Variants in UQCRC1 observed in about 807,000 individuals in gnomAD.
UQCRC1 encodes the protein cytochrome b-c1 complex subunit 1, mitochondrial.
A neutral mutation model predicts 58.0 loss-of-function variants in UQCRC1; 34 were observed. The observed-to-expected ratio is 0.59, with a 90% CI of 0.45 to 0.78. UQCRC1 has a LOEUF of 0.78. UQCRC1 is among the 30% of genes least tolerant of loss of function. UQCRC1 has a pLI of 0.00. For synonymous variants in UQCRC1, 276 were observed against 248.8 expected, an observed-to-expected ratio of 1.11 and a Z score of -1.03; for missense variants, 610 against 646.0, an observed-to-expected ratio of 0.94 and a Z score of 0.60.
At chr3:48,608,217 C>G (rs567489044) in intron 2 of UQCRC1, among the ~76,000 whole-genome samples, 32 of 152,356 alleles carry the variant, frequency 2.1e-4, no homozygotes, top group African/African-American at 7.0e-4. Context: ...TATTTTTTAG[C>G]TCCCACTGAT....
chr3:48,606,667 C>T (rs1170843136), intron 2 of UQCRC1, among the ~76,000 whole-genome samples: 1 of 151,646 alleles, frequency 6.6e-6, no homozygotes, highest in Middle Eastern at 3.2e-3. Context: ...TTGCTTGAAC[C>T]CAAGAGGCAG....
chr3:48,604,042 C>G, intron 5 of UQCRC1, 191 bp downstream of exon 5: 1 of 658,980 alleles, frequency 1.5e-6, no homozygotes. Context: ...AAAACAAAGC[C>G]CAAAATTCAA....
chr3:48,603,959 CAA>C (rs1444806233), intron 5 of UQCRC1: 3 of 586,002 alleles, frequency 5.1e-6, no homozygotes, highest in Non-Finnish European at 6.1e-6. Context: ...ACAAAGGAGA[CAA>C]GAGACCACAT....
chr3:48,600,479 C>T lies in UQCRC1; in HGVS notation c.1213+3G>A, dbSNP rs201440000. Reference sequence around the variant, plus strand: ...CCCCTCCCCGCTGAGCTGTAGGACTCACCATCTAGATGAGATACCAGGGCA... The same window carrying T: ...CCCCTCCCCGCTGAGCTGTAGGACTTACCATCTAGATGAGATACCAGGGCA... On this transcript the variant is annotated splice_donor_region_variant and intron_variant, in intron 10 of 12. Transcript: ENST00000203407. The T allele has an allele frequency of 9.3e-6, 15 of 1,614,178 alleles. No homozygotes were observed. In the Admixed American group the frequency reaches 2.5e-4, roughly 27 times the overall value.
Position 48,609,558 on chromosome 3 carries a change from G to A in UQCRC1, c.63C>T (p.Arg21=), listed in dbSNP as rs1354361421. ...TAGAQVLLRA[R]RSPALLRTPA... Reference sequence around the variant, plus strand: ...GCTCTCGCCACCACCTCACCGAGCGGCGGGCGCGCAATAGCACTTGTGCCC... The same window carrying A: ...GCTCTCGCCACCACCTCACCGAGCGACGGGCGCGCAATAGCACTTGTGCCC... The change falls in exon 1 of 13, where the codon CGC becomes CGT. Residue 21 remains arginine, a synonymous_variant. Coordinates refer to ENST00000203407, the MANE Select transcript of UQCRC1 (RefSeq NM_003365.3). The A allele has an allele frequency of 6.4e-7, 1 of 1,565,996 alleles. No individual in the cohort carries two copies. Among genetic ancestry groups the A allele is most frequent in the South Asian group, 1.1e-5 (1 of 86,972 alleles).
rs2046396852 is a variant in UQCRC1 at position 48,604,760 on chromosome 3, G to A, written c.318C>T (p.Gly106=). 2 of 1,613,916 alleles carry A rather than the reference G, an allele frequency of 1.2e-6. No individual in the cohort carries two copies. The highest frequency in any genetic ancestry group is 1.7e-6 in the Non-Finnish European group (2 of 1,179,984). The part of the protein sequence containing the change: ...LAFKGTKNRP[G]SALEKEVESM... ...TCTCCACCTCCTTCTCCAGGGCACT[G>A]CCAGGCCGATTCTTTGTTCCCTGGA... The change falls in exon 4 of 13, where the codon GGC becomes GGT. Residue 106 remains glycine (G), a synonymous_variant. Transcript: ENST00000203407.
chr3:48,599,081 G>A lies in UQCRC1; in HGVS notation c.*47C>T. On this transcript the variant is annotated 3_prime_UTR_variant, in exon 13 of 13. Transcript: ENST00000203407. The stretch of plus-strand genomic sequence containing the variant: ...AAGTGCTGTGTTTGTGGTGGGGGGG[G>A]GACCACAAACCCCGGCCCTGCCCTC... The A allele has an allele frequency of 2.5e-6, 4 of 1,602,416 alleles. No individual in the cohort carries two copies. Among genetic ancestry groups the A allele is most frequent in the Non-Finnish European group, 3.4e-6 (4 of 1,171,904 alleles).
At chr3:48,605,937 A>G (rs1043350629) in intron 2 of UQCRC1, 81 bp from the exon 3 acceptor site, 1 of 1,374,886 alleles carries the variant, frequency 7.3e-7, no homozygotes, top group African/African-American at 1.5e-5. Flanking sequence ...GTGACTCAGT[A>G]CAAGCCCCAG....
intron 6 of UQCRC1, among the ~76,000 whole-genome samples, chr3:48,602,711 C>T (rs1359466549): frequency 1.3e-5 from 2 of 151,910 alleles, no homozygotes; most frequent in Non-Finnish European, 2.9e-5. Flanking sequence ...TTACCAGAGA[C>T]GGGGTTTTGT....
intron 2 of UQCRC1, among the ~76,000 whole-genome samples, chr3:48,606,769 C>T (rs34591495): frequency 0.098 from 14,739 of 150,942 alleles, 963 homozygotes; most frequent in South Asian, 0.22. Flanking sequence ...GTAAAAGAAA[C>T]ACGTACCACT....
chr3:48,603,844 G>C (rs1355286003), intron 5 of UQCRC1, among the ~76,000 whole-genome samples: 1 of 151,900 alleles, frequency 6.6e-6, no homozygotes, highest in Non-Finnish European at 1.5e-5. Flanking sequence ...GTCTGCCCTT[G>C]CCTCATGCCT....
At position 48,609,477 on chromosome 3, in the gene UQCRC1, C is replaced by A. The variant is rs757710527; in HGVS notation, c.69+75G>T. On this transcript the variant is annotated intron_variant, in intron 1 of 12. Transcript: ENST00000203407. The stretch of plus-strand genomic sequence containing the variant: ...CCCGCGTCCTCCCCACCTCGACCTG[C>A]CACTGCTAACAGCCCACACCTGTCC... The A allele has an allele frequency of 1.3e-5, 20 of 1,530,108 alleles. 1 individual carries two copies. In the South Asian group the frequency reaches 2.4e-4, roughly 18 times the overall value. The allele number at this position is 1,530,108 out of a possible 1,614,324, so 94.8% of individuals were successfully genotyped here. A position where few individuals can be genotyped will look rare whatever the true frequency, so the allele number is the denominator to read the frequency against.
At chr3:48,600,952 C>T (rs2046358971) in intron 8 of UQCRC1, 23 bp downstream of exon 8, 1 of 1,601,556 alleles carries the variant, frequency 6.2e-7, no homozygotes, top group East Asian at 2.2e-5. Context: ...AAGGCGAGGT[C>T]CCATGCTCGC....
At chr3:48,604,932 A>C (rs2046398090) in intron 3 of UQCRC1, 152 bp from the exon 4 acceptor site, 2 of 1,159,198 alleles carry the variant, frequency 1.7e-6, no homozygotes, top group Admixed American at 2.4e-5. Context: ...CTGTTTACCA[A>C]GCACTAAGCA....
chr3:48,599,027 G>T lies in UQCRC1; in HGVS notation c.*101C>A. On this transcript the variant is annotated 3_prime_UTR_variant, in exon 13 of 13. Coordinates refer to ENST00000203407, the MANE Select transcript of UQCRC1 (RefSeq NM_003365.3). ...TTCTCAGCAGAGGATTTTATTGGTG[G>T]TCACCTGTGGCACAGGTTAGAGGAG... The T allele has an allele frequency of 1.5e-6, 2 of 1,343,300 alleles. No homozygotes were observed. The highest frequency in any genetic ancestry group is 2.1e-6 in the Non-Finnish European group (2 of 960,144). 83.2% of individuals were successfully genotyped at this position (1,343,300 alleles called of 1,614,324 possible). A position where few individuals can be genotyped will look rare whatever the true frequency, so the allele number is the denominator to read the frequency against.
In UQCRC1 at chr3:48,601,050, G is replaced by A. The variant is rs766505790; in HGVS notation, c.891C>T (p.Ala297=). ...CTTGCAAGGCCACATTGTCCGGGCT[G>A]GCCCAGCCAGGACCCTCTACTGCAA... is the stretch of plus-strand genomic sequence containing the variant. ...VAIAVEGPGW[A]SPDNVALQVA... Residue 297 remains alanine, a synonymous_variant, in exon 8 of 13, where the codon GCC becomes GCT. Transcript: ENST00000203407. The A allele has an allele frequency of 6.2e-7, 1 of 1,611,288 alleles. No homozygotes were observed. Among genetic ancestry groups the A allele is most frequent in the South Asian group, 1.1e-5 (1 of 90,984 alleles).
Position 48,600,490 on chromosome 3 carries a change from T to C in UQCRC1, c.1205A>G (p.His402Arg), listed in dbSNP as rs1321907515. 6.2e-7 allele frequency: 1 copy of C among 1,613,426 alleles called. No homozygotes were observed. The highest frequency in any genetic ancestry group is 1.7e-5 in the Admixed American group (1 of 60,026). Residue 402 changes from histidine to arginine, a missense_variant, in exon 10 of 13, where the codon CAT (histidine) becomes CGT (arginine). His to Arg is a conservative substitution (Grantham distance 29). Coordinates refer to ENST00000203407, the MANE Select transcript of UQCRC1 (RefSeq NM_003365.3). ...TGAGCTGTAGGACTCACCATCTAGA[T>C]GAGATACCAGGGCATTTCTGAGGAT... ...KNILRNALVSHLDGTTPVCED... is the reference protein window; with the variant it reads ...KNILRNALVSRLDGTTPVCED...
In UQCRC1 at chr3:48,609,201, C is replaced by G; in HGVS notation, c.171G>C (p.Leu57=). Residue 57 remains leucine (L), a synonymous_variant, in exon 2 of 13, where the codon CTG becomes CTC. Transcript: ENST00000203407. ...ETQVSLLDNG[L]RVASEQSSQP... ...GAGAGGACTGCTCGGAGGCCACACG[C>G]AGGCCGTTGTCCAGCAGGCTAACCT... 1 of 1,612,862 alleles carries G rather than the reference C, an allele frequency of 6.2e-7. No homozygotes were observed. Among genetic ancestry groups the G allele is most frequent in the Non-Finnish European group, 8.5e-7 (1 of 1,179,604 alleles).
Position 48,603,415 on chromosome 3 carries a change from G to A in UQCRC1, c.706+149C>T, listed in dbSNP as rs77172162. On this transcript the variant is annotated intron_variant, in intron 6 of 12. Coordinates refer to ENST00000203407, the MANE Select transcript of UQCRC1 (RefSeq NM_003365.3). ...GTAGAATCCTATCCCACCTCAGAGA[G>A]CACAGGAGGAAGGTCATTCCCCTCA... is the stretch of plus-strand genomic sequence containing the variant. 1.2e-3 allele frequency: 837 copies of A among 713,938 alleles called. 6 individuals carry two copies. The African/African-American group carries it at 0.014, about 12-fold the overall frequency. 44.2% of individuals were successfully genotyped at this position (713,938 alleles called of 1,614,324 possible). A position where few individuals can be genotyped will look rare whatever the true frequency, so the allele number is the denominator to read the frequency against.
Sources: gnomAD v4.1 joint callset for allele counts (sites outside exome capture counted in the v4.1 genomes callset) on GRCh38, gnomAD v4.1.1 for gene constraint, MANE v1.5 for transcripts, NCBI Gene and HGNC (gene_info 2026-07-23, HGNC 2026-07-21) for gene names.